XKR4: variants seen among roughly 807,000 people sequenced by gnomAD.
XKR4 encodes XK related 4, also known as XK-related protein 4.
A neutral mutation model predicts 53.9 loss-of-function variants in XKR4; 12 were observed. That is an observed-to-expected ratio of 0.22 (90% CI 0.14 to 0.36). The LOEUF is 0.36. Among genes scored for constraint, XKR4 ranks in the 10% least tolerant of loss-of-function variants. The pLI is 1.00. For missense variants in XKR4, 799 were observed against 859.5 expected, an observed-to-expected ratio of 0.93 and a Z score of 0.88; for synonymous variants, 354 against 362.4, an observed-to-expected ratio of 0.98 and a Z score of 0.26.
chr8:55,415,933 C>A (rs1048243176), intron 2 of XKR4, among the ~76,000 whole-genome samples: 2 of 152,154 alleles, frequency 1.3e-5, no homozygotes, highest in African/African-American at 4.8e-5. Context: ...TGATAATCAT[C>A]ATGCTAATCA....
chr8:55,104,590 G>A (rs1816112988), intron 1 of XKR4, among the ~76,000 whole-genome samples: 1 of 152,122 alleles, frequency 6.6e-6, no homozygotes, highest in Non-Finnish European at 1.5e-5. Context: ...AAGAGCAAGT[G>A]TGGTGATTTC....
chr8:55,297,143 G>A (rs1465131760), intron 1 of XKR4, among the ~76,000 whole-genome samples: 4 of 152,172 alleles, frequency 2.6e-5, no homozygotes, highest in African/African-American at 9.7e-5. Context: ...TGGAGGATTG[G>A]TGTCTACTCA....
chr8:55,393,418 G>GGAAGGAAGGAAA (rs1804470731), intron 2 of XKR4, among the ~76,000 whole-genome samples: 1 of 30,528 alleles, frequency 3.3e-5, no homozygotes, highest in African/African-American at 9.2e-5. Flanking sequence ...AAGGAAGGAA[G>GGAAGGAAGGAAA]GAAGGAAGGA....
chr8:55,379,181 A>T (rs1198368571), intron 2 of XKR4, among the ~76,000 whole-genome samples: 2 of 151,966 alleles, frequency 1.3e-5, no homozygotes, highest in East Asian at 3.9e-4. Flanking sequence ...AAGACTCCAC[A>T]CTCTTCTCTC....
intron 2 of XKR4, among the ~76,000 whole-genome samples, chr8:55,398,185 G>A (rs1418816405): frequency 6.6e-6 from 1 of 152,098 alleles, no homozygotes; most frequent in Non-Finnish European, 1.5e-5. Flanking sequence ...ATCTCCAAAA[G>A]GGCTGCCTAC....
intron 2 of XKR4, among the ~76,000 whole-genome samples, chr8:55,477,519 G>T (rs1049105733): frequency 3.3e-5 from 5 of 152,188 alleles, no homozygotes; most frequent in Admixed American, 2.6e-4. Context: ...CCAAAGGAAT[G>T]CAGCTCCTCA....
intron 2 of XKR4, among the ~76,000 whole-genome samples, chr8:55,412,102 A>G (rs1277534380): frequency 2.0e-5 from 3 of 152,190 alleles, no homozygotes; most frequent in Admixed American, 1.3e-4. Context: ...AAGGGGCATC[A>G]GGGTGGACGC....
intron 1 of XKR4, among the ~76,000 whole-genome samples, chr8:55,304,746 T>A (rs921212957): frequency 6.6e-6 from 1 of 152,158 alleles, no homozygotes; most frequent in African/African-American, 2.4e-5. Flanking sequence ...TTTACCATTA[T>A]GTAATGGCCT....
rs369983175 is a variant in XKR4 at position 55,247,855 on chromosome 8, C to CTTTCTTTCTTTCTT, written c.807-109820_807-109819insCTTTCTTTCTTTTT. ...TTTCTTTTTCTTTCTTTCTTTCTTT[C>CTTTCTTTCTTTCTT]TTTTTTTTTTTTTTTTTTTGAGACA... On this transcript the variant is annotated intron_variant, in intron 1 of 2. Coordinates refer to ENST00000327381, the MANE Select transcript of XKR4 (RefSeq NM_052898.2). Among the ~76,000 whole-genome samples, 65 of 59,892 alleles carry CTTTCTTTCTTTCTT rather than the reference C, an allele frequency of 1.1e-3. 2 individuals carry two copies. Among genetic ancestry groups the CTTTCTTTCTTTCTT allele is most frequent in the Middle Eastern group, 0.018 (2 of 110 alleles). The allele number at this position is 59,892 out of a possible 152,430, so 39.3% of individuals were successfully genotyped here. A position where few individuals can be genotyped will look rare whatever the true frequency, so the allele number is the denominator to read the frequency against.
chr8:55,430,793 C>T (rs1805089779), intron 2 of XKR4, among the ~76,000 whole-genome samples: 1 of 152,196 alleles, frequency 6.6e-6, no homozygotes, highest in African/African-American at 2.4e-5. Context: ...AGCTGCCTGT[C>T]TTCTGGTGTC....
intron 1 of XKR4, among the ~76,000 whole-genome samples, chr8:55,346,463 G>A (rs1467309956): frequency 6.6e-6 from 1 of 152,120 alleles, no homozygotes; most frequent in African/African-American, 2.4e-5. Flanking sequence ...GTCTAATCTT[G>A]AAACAAGAGC....
intron 1 of XKR4, among the ~76,000 whole-genome samples, chr8:55,283,253 A>G (rs974321036): frequency 1.3e-5 from 2 of 152,232 alleles, no homozygotes; most frequent in Non-Finnish European, 2.9e-5. Context: ...TATGCCTGGC[A>G]TGGTGCTAAG....
chr8:55,315,866 A>G (rs1344710551), intron 1 of XKR4, among the ~76,000 whole-genome samples: 3 of 152,172 alleles, frequency 2.0e-5, no homozygotes, highest in Non-Finnish European at 4.4e-5. Flanking sequence ...ACCTTAACAC[A>G]GGAACATGAT....
intron 1 of XKR4, among the ~76,000 whole-genome samples, chr8:55,301,915 T>G (rs10958454): frequency 0.64 from 97,346 of 152,022 alleles, 33,352 homozygotes; most frequent in African/African-American, 0.89. Context: ...AGATAAGCAG[T>G]TTGCAAAAAT....
At chr8:55,374,266 A>G (rs1167939786) in intron 2 of XKR4, among the ~76,000 whole-genome samples, 2 of 152,262 alleles carry the variant, frequency 1.3e-5, no homozygotes, top group African/African-American at 4.8e-5. Context: ...CTTGAATACT[A>G]GAAAGTGAGC....
intron 2 of XKR4, among the ~76,000 whole-genome samples, chr8:55,507,721 G>A (rs1469499088): frequency 2.0e-5 from 3 of 152,094 alleles, no homozygotes; most frequent in South Asian, 4.2e-4. Flanking sequence ...GTGTATATGT[G>A]CCACATTTTC....
At chr8:55,339,534 C>A (rs748979596) in intron 1 of XKR4, among the ~76,000 whole-genome samples, 12 of 152,208 alleles carry the variant, frequency 7.9e-5, no homozygotes, top group Non-Finnish European at 1.6e-4. Flanking sequence ...TGATGCATTC[C>A]TTCGACTGCC....
At chr8:55,306,749 A>G (rs1007740422) in intron 1 of XKR4, among the ~76,000 whole-genome samples, 9 of 152,176 alleles carry the variant, frequency 5.9e-5, no homozygotes, top group African/African-American at 1.9e-4. Flanking sequence ...ACCTTATCAC[A>G]TGGTATAAAA....
rs1206742162 is a variant in XKR4 at position 55,525,469 on chromosome 8, G to GA, written c.*1248dup. The GA allele has an allele frequency of 6.6e-6, 1 of 152,544 alleles. No individual in the cohort carries two copies. The highest frequency in any genetic ancestry group is 1.5e-5 in the Non-Finnish European group (1 of 68,012). 9.4% of individuals were successfully genotyped at this position (152,544 alleles called of 1,614,324 possible). ...CAGACAAATGCAATGAATATGCTAT[G>GA]AAAAAACCCTTCTGAACTGAGAGAG... is the stretch of plus-strand genomic sequence containing the variant. On this transcript the variant is annotated 3_prime_UTR_variant, in exon 3 of 3. Coordinates refer to ENST00000327381, the MANE Select transcript of XKR4 (RefSeq NM_052898.2).
Sources: allele counts gnomAD v4.1 joint callset (sites outside exome capture counted in the v4.1 genomes callset), GRCh38; gene constraint gnomAD v4.1.1; transcripts MANE v1.5; gene names NCBI Gene and HGNC (gene_info 2026-07-23, HGNC 2026-07-21).